Variants in PPP1R9A observed in about 807,000 individuals in gnomAD.
The protein encoded by PPP1R9A is neurabin-1.
A neutral mutation model predicts 141.9 loss-of-function variants in PPP1R9A; 59 were observed. The observed-to-expected ratio is 0.42, with a 90% CI of 0.34 to 0.52. The LOEUF (loss-of-function observed/expected upper bound fraction) is 0.52, where lower values mean the gene tolerates loss of function less well. Among genes scored for constraint, PPP1R9A ranks in the 20% least tolerant of loss-of-function variants. The pLI is 0.10. For missense variants in PPP1R9A, 1,444 were observed against 1,611.9 expected, an observed-to-expected ratio of 0.90 and a Z score of 1.78; for synonymous variants, 500 against 569.7, an observed-to-expected ratio of 0.88 and a Z score of 1.74.
intron 12 of PPP1R9A, among the ~76,000 whole-genome samples, chr7:95,253,768 A>C (rs886982204): frequency 6.6e-6 from 1 of 152,128 alleles, no homozygotes. Flanking sequence ...GGAACACTAT[A>C]AGATTGATAT....
intron 3 of PPP1R9A, among the ~76,000 whole-genome samples, chr7:95,112,428 G>A (rs1455127841): frequency 6.6e-6 from 1 of 152,160 alleles, no homozygotes; most frequent in Non-Finnish European, 1.5e-5. Flanking sequence ...TAGCAAGGAT[G>A]CAGAGAAAAG....
chr7:95,213,654 G>A (rs939094089), intron 7 of PPP1R9A, among the ~76,000 whole-genome samples: 8 of 151,962 alleles, frequency 5.3e-5, no homozygotes, highest in African/African-American at 7.3e-5. Context: ...TTTTTAAACC[G>A]CATTCTTCTG....
At chr7:94,992,823 G>A (rs1055507489) in intron 2 of PPP1R9A, among the ~76,000 whole-genome samples, 1 of 151,824 alleles carries the variant, frequency 6.6e-6, no homozygotes, top group Non-Finnish European at 1.5e-5. Context: ...AAATTAAGTT[G>A]TTTTCTTACT....
At chr7:95,240,073 G>A (rs1797236109) in intron 8 of PPP1R9A, among the ~76,000 whole-genome samples, 2 of 151,926 alleles carry the variant, frequency 1.3e-5, no homozygotes, top group South Asian at 4.1e-4. Flanking sequence ...CATTCTCAGA[G>A]TATATCTTTA....
intron 4 of PPP1R9A, among the ~76,000 whole-genome samples, chr7:95,159,307 C>A (rs1029180757): frequency 2.0e-5 from 3 of 152,132 alleles, no homozygotes; most frequent in African/African-American, 7.2e-5. Flanking sequence ...AGGTATACAT[C>A]ATAATTTTTG....
At chr7:95,107,546 A>G (rs933260431) in intron 2 of PPP1R9A, among the ~76,000 whole-genome samples, 34 of 152,090 alleles carry the variant, frequency 2.2e-4, no homozygotes, top group African/African-American at 7.7e-4. Flanking sequence ...TTTCTTTGTG[A>G]TATAAATAGG....
rs570666776 is a variant in PPP1R9A, at chr7:95,249,310, A to G, written c.2167-716A>G. ...TACACTACATGTAAAATAATGAGCT[A>G]TAGAATATGTTCATGTTCCTTGAAA... On this transcript the variant is annotated intron_variant, in intron 9 of 19. Transcript: ENST00000433360. Among the ~76,000 whole-genome samples, 131 of 152,338 alleles carry G rather than the reference A, an allele frequency of 8.6e-4. 1 individual carries two copies. The highest frequency in any genetic ancestry group is 6.8e-3 in the Middle Eastern group (2 of 294).
intron 5 of PPP1R9A, among the ~76,000 whole-genome samples, chr7:95,183,575 C>T (rs1046416762): frequency 4.6e-5 from 7 of 150,972 alleles, no homozygotes; most frequent in African/African-American, 1.7e-4. Flanking sequence ...CTCAGCCTCC[C>T]GAGTAGGTGG....
At chr7:95,245,048 A>G (rs1298119127) in intron 8 of PPP1R9A, among the ~76,000 whole-genome samples, 1 of 152,224 alleles carries the variant, frequency 6.6e-6, no homozygotes, top group Non-Finnish European at 1.5e-5. Flanking sequence ...TGAAAGAACA[A>G]GAAGTATATC....
At chr7:95,287,167 T>G in intron 18 of PPP1R9A, 1 of 1,607,872 alleles carries the variant, frequency 6.2e-7, no homozygotes, top group Non-Finnish European at 8.5e-7. Flanking sequence ...TGGTGGCTTG[T>G]GTGCTATTGT....
chr7:95,066,705 A>G (rs1364536876), intron 2 of PPP1R9A, among the ~76,000 whole-genome samples: 3 of 152,224 alleles, frequency 2.0e-5, no homozygotes, highest in Admixed American at 2.0e-4. Context: ...AAAATTATAC[A>G]GTAGAAGATA....
At chr7:94,955,614 T>G (rs868714749) in intron 2 of PPP1R9A, among the ~76,000 whole-genome samples, 6 of 152,172 alleles carry the variant, frequency 3.9e-5, no homozygotes, top group African/African-American at 1.4e-4. Context: ...GTATAGCTAT[T>G]CTCAATGCAT....
At chr7:94,938,901 A>G (rs1795044075) in intron 2 of PPP1R9A, among the ~76,000 whole-genome samples, 1 of 152,170 alleles carries the variant, frequency 6.6e-6, no homozygotes, top group Non-Finnish European at 1.5e-5. Flanking sequence ...ATAATCTTAG[A>G]CACGTATCGT....
intron 2 of PPP1R9A, among the ~76,000 whole-genome samples, chr7:94,929,718 C>G (rs1442215090): frequency 6.6e-6 from 1 of 151,952 alleles, no homozygotes; most frequent in Non-Finnish European, 1.5e-5. Flanking sequence ...TATTAGAAAA[C>G]CACTCTAATA....
chr7:95,047,581 A>G (rs1810201715), intron 2 of PPP1R9A, among the ~76,000 whole-genome samples: 1 of 152,206 alleles, frequency 6.6e-6, no homozygotes, highest in South Asian at 2.1e-4. Flanking sequence ...CTGTTTGAGT[A>G]CACTTTTTGT....
chr7:95,267,475 T>G (rs566984122), intron 12 of PPP1R9A, among the ~76,000 whole-genome samples: 1 of 152,114 alleles, frequency 6.6e-6, no homozygotes, highest in Non-Finnish European at 1.5e-5. Flanking sequence ...GCATTTCAAA[T>G]AAGTTCCACC....
Position 95,202,629 on chromosome 7 carries a change from G to A in PPP1R9A, c.1891-1036G>A, listed in dbSNP as rs534232486. 8.9e-6 allele frequency: 8 copies of A among 896,778 alleles called. No homozygotes were observed. The African/African-American group carries it at 1.1e-4, about 12-fold the overall frequency. The allele number at this position is 896,778 out of a possible 1,614,324, so 55.6% of individuals were successfully genotyped here. On this transcript the variant is annotated intron_variant, in intron 6 of 19. Transcript: ENST00000433360. ...CAATCAGCACTATTTCATGACACTC[G>A]GGGGGTATGATAAATTTTTCAACTA...
intron 5 of PPP1R9A, among the ~76,000 whole-genome samples, chr7:95,187,216 G>T (rs1257234741): frequency 6.6e-6 from 1 of 152,048 alleles, no homozygotes; most frequent in East Asian, 1.9e-4. Context: ...TCTGATCAGA[G>T]TTTTCATTTC....
Position 95,189,581 on chromosome 7 carries a change from C to T in PPP1R9A, c.1755-8768C>T, listed in dbSNP as rs1000350934. Among the ~76,000 whole-genome samples, 81 of 149,768 alleles carry T rather than the reference C, an allele frequency of 5.4e-4. 1 individual carries two copies. The highest frequency in any genetic ancestry group is 1.7e-3 in the African/African-American group (71 of 41,028). ...CCTCCCAAGTAGCTGGGACTACAGG[C>T]GCCCGCCACTACGCCCGGCTAATTT... is the stretch of plus-strand genomic sequence containing the variant. On this transcript the variant is annotated intron_variant, in intron 5 of 19. Transcript: ENST00000433360.
Sources: allele counts gnomAD v4.1 joint callset (sites outside exome capture counted in the v4.1 genomes callset), GRCh38; gene constraint gnomAD v4.1.1; transcripts MANE v1.5; gene names NCBI Gene and HGNC (gene_info 2026-07-23, HGNC 2026-07-21).